Variants in SPATA6 observed in about 807,000 individuals in gnomAD.
SPATA6 encodes the protein spermatogenesis associated 6, also known as spermatogenesis-associated protein 6.
Under a neutral mutation model 65.3 loss-of-function variants are expected in SPATA6, and 56 were observed. That is an observed-to-expected ratio of 0.86 (90% CI 0.69 to 1.07). The LOEUF is 1.07. SPATA6 is among the 50% of genes least tolerant of loss of function. The probability of loss-of-function intolerance (pLI) is 0.00; values close to 1 mark genes in which losing one functional copy is unlikely to be tolerated. For synonymous variants in SPATA6, 199 were observed against 213.2 expected (o/e 0.93, Z 0.58); for missense variants, 590 against 594.8 (o/e 0.99, Z 0.08).
chr1:48,336,550 G>A (rs1212427917), intron 11 of SPATA6, among the ~76,000 whole-genome samples: 1 of 151,882 alleles, frequency 6.6e-6, no homozygotes, highest in Non-Finnish European at 1.5e-5. Context: ...AATACCACAT[G>A]TTCTCACCTA....
At chr1:48,421,104 T>C (rs758786123) in intron 3 of SPATA6, among the ~76,000 whole-genome samples, 4 of 152,126 alleles carry the variant, frequency 2.6e-5, no homozygotes, top group Non-Finnish European at 5.9e-5. Context: ...TTAGATAGGA[T>C]GGACTAATGC....
At chr1:48,375,541 T>C (rs1647792753) in intron 9 of SPATA6, among the ~76,000 whole-genome samples, 1 of 152,148 alleles carries the variant, frequency 6.6e-6, no homozygotes, top group Non-Finnish European at 1.5e-5. Context: ...TTTTTAATTG[T>C]TTTCTTCATG....
In SPATA6 at chr1:48,399,267, A is replaced by G. The variant is rs539571401; in HGVS notation, c.780+84T>C. ...GAAAAGTATTATTAATATAAGCTAG[A>G]AGTTGAAAGATATTTCAGAATAACA... On this transcript the variant is annotated intron_variant, in intron 7 of 12. Coordinates refer to ENST00000371847, the MANE Select transcript of SPATA6 (RefSeq NM_019073.4). 6 of 1,416,806 alleles carry G rather than the reference A, an allele frequency of 4.2e-6. No homozygotes were observed. The East Asian group carries it at 1.4e-4, about 33-fold the overall frequency. The allele number at this position is 1,416,806 out of a possible 1,614,324, so 87.8% of individuals were successfully genotyped here.
chr1:48,448,358 A>G lies in SPATA6; in HGVS notation c.238+3194T>C, dbSNP rs370251646. Among the ~76,000 whole-genome samples, 21 of 152,138 alleles carry G rather than the reference A, an allele frequency of 1.4e-4. 1 individual carries two copies. Among genetic ancestry groups the G allele is most frequent in the African/African-American group, 5.1e-4 (21 of 41,426 alleles). On this transcript the variant is annotated intron_variant, in intron 3 of 12. Coordinates refer to ENST00000371847, the MANE Select transcript of SPATA6 (RefSeq NM_019073.4). ...CCTAATCCAAAAACATGAAATCTGA[A>G]ATGTCCCAAAATCTAAAACTTTTTG...
At chr1:48,380,097 T>C (rs936817340) in intron 9 of SPATA6, among the ~76,000 whole-genome samples, 3 of 152,214 alleles carry the variant, frequency 2.0e-5, no homozygotes, top group Non-Finnish European at 4.4e-5. Context: ...AGTGAGAATC[T>C]CGGGAAAGAA....
chr1:48,372,009 T>C (rs1647332148), intron 9 of SPATA6, among the ~76,000 whole-genome samples: 1 of 152,112 alleles, frequency 6.6e-6, no homozygotes, highest in Admixed American at 6.5e-5. Context: ...TTCTGGGAGA[T>C]ACAATTCAAG....
intron 11 of SPATA6, among the ~76,000 whole-genome samples, chr1:48,326,500 A>T (rs1645764570): frequency 6.6e-6 from 1 of 151,668 alleles, no homozygotes; most frequent in Non-Finnish European, 1.5e-5. Flanking sequence ...TAGAAAAAAT[A>T]ATCCTAAAGT....
chr1:48,283,717 G>GAAAGAAAGAAAGAA, the SPATA6 span, among the ~76,000 whole-genome samples: 1 of 134,718 alleles, frequency 7.4e-6, no homozygotes, highest in Non-Finnish European at 1.5e-5. Flanking sequence ...AAGAAAGAAA[G>GAAAGAAAGAAAGAA]AAAGAAAATT....
At chr1:48,378,215 A>C (rs1648146720) in intron 9 of SPATA6, among the ~76,000 whole-genome samples, 1 of 152,222 alleles carries the variant, frequency 6.6e-6, no homozygotes, top group Non-Finnish European at 1.5e-5. Context: ...CCTTATCAGA[A>C]ATCAATATAT....
chr1:48,460,205 A>G (rs1657323508), intron 1 of SPATA6, among the ~76,000 whole-genome samples: 1 of 151,892 alleles, frequency 6.6e-6, no homozygotes, highest in Non-Finnish European at 1.5e-5. Context: ...GGCTCAAGTG[A>G]TCCTCCCACC....
intron 11 of SPATA6, among the ~76,000 whole-genome samples, chr1:48,332,243 G>T (rs1570160949): frequency 6.6e-6 from 1 of 152,226 alleles, no homozygotes; most frequent in Non-Finnish European, 1.5e-5. Flanking sequence ...TAAGAAACTT[G>T]AATGTAAATG....
At chr1:48,265,471 C>T in the SPATA6 span, among the ~76,000 whole-genome samples, 3 of 151,076 alleles carry the variant, frequency 2.0e-5, no homozygotes, top group Non-Finnish European at 4.4e-5. Context: ...GAATCTAGAG[C>T]CAAGCATTAT....
chr1:48,454,761 G>A (rs529759845), intron 1 of SPATA6, among the ~76,000 whole-genome samples: 6 of 152,130 alleles, frequency 3.9e-5, no homozygotes, highest in East Asian at 1.9e-4. Context: ...ACGGAGCCCC[G>A]GGAAAGTTAA....
At chr1:48,267,986 C>A in the SPATA6 span, among the ~76,000 whole-genome samples, 1 of 151,820 alleles carries the variant, frequency 6.6e-6, no homozygotes, top group African/African-American at 2.4e-5. Flanking sequence ...CTCCTGACCT[C>A]GTGATCCACC....
chr1:48,417,411 AAAG>A (rs1450854400), intron 3 of SPATA6, among the ~76,000 whole-genome samples: 1 of 152,218 alleles, frequency 6.6e-6, no homozygotes, highest in Non-Finnish European at 1.5e-5. Flanking sequence ...ATGTATAATT[AAAG>A]AAGTTGAAAA....
chr1:48,400,856 CA>C, intron 6 of SPATA6: 2 of 1,262,486 alleles, frequency 1.6e-6, no homozygotes, highest in Non-Finnish European at 2.1e-6. Flanking sequence ...TCAATGATTT[CA>C]AAAAGTAATT....
chr1:48,297,544 C>T lies in SPATA6; in HGVS notation c.*1169G>A, dbSNP rs984874262. 6.6e-6 allele frequency: 1 copy of T among 152,148 alleles called. No homozygotes were observed. Among genetic ancestry groups the T allele is most frequent in the Non-Finnish European group, 1.5e-5 (1 of 68,024 alleles). The allele number at this position is 152,148 out of a possible 1,614,324, so 9.4% of individuals were successfully genotyped here. A position where few individuals can be genotyped will look rare whatever the true frequency, so the allele number is the denominator to read the frequency against. On this transcript the variant is annotated 3_prime_UTR_variant, in exon 13 of 13. Coordinates refer to ENST00000371847, the MANE Select transcript of SPATA6 (RefSeq NM_019073.4). ...GAAGTTCATTTTGTTCTTTTTCAAT[C>T]ATAACTGTAAAATTAATCAAAAACA...
chr1:48,389,742 G>A (rs1649853782), intron 8 of SPATA6, among the ~76,000 whole-genome samples: 1 of 152,032 alleles, frequency 6.6e-6, no homozygotes, highest in Non-Finnish European at 1.5e-5. Context: ...AAAAGCTAAG[G>A]GAATTCATCA....
the SPATA6 span, among the ~76,000 whole-genome samples, chr1:48,274,029 G>C: frequency 6.6e-6 from 1 of 151,924 alleles, no homozygotes; most frequent in Non-Finnish European, 1.5e-5. Flanking sequence ...TTTAATGATC[G>C]CCATTTTAAC....
Sources: gnomAD v4.1 joint callset for allele counts (sites outside exome capture counted in the v4.1 genomes callset) on GRCh38, gnomAD v4.1.1 for gene constraint, MANE v1.5 for transcripts, NCBI Gene and HGNC (gene_info 2026-07-23, HGNC 2026-07-21) for gene names.